Variants in CHM observed in about 807,000 individuals in gnomAD.
CHM encodes rab proteins geranylgeranyltransferase component A 1.
A neutral mutation model predicts 49.0 loss-of-function variants in CHM; 10 were observed. That is an observed-to-expected ratio of 0.20 (90% confidence interval 0.13 to 0.35). The LOEUF (loss-of-function observed/expected upper bound fraction) is 0.35, where lower values mean the gene tolerates loss of function less well. Ranked by LOEUF, CHM falls within the 10% of genes least tolerant of loss-of-function variation. The pLI is 1.00. For missense variants in CHM, 455 were observed against 478.4 expected (o/e 0.95, Z 0.46); for synonymous variants, 184 against 167.5 (o/e 1.10, Z -0.76).
At chrX:85,953,085 A>T (rs1016462453) in intron 8 of CHM, among the ~76,000 whole-genome samples, 1 of 112,709 alleles carries the variant, frequency 8.9e-6, no homozygotes, top group Non-Finnish European at 1.9e-5. Flanking sequence ...GTTGCAGGGT[A>T]TAAAATCAAC....
intron 8 of CHM, among the ~76,000 whole-genome samples, chrX:85,915,595 C>G: frequency 8.9e-6 from 1 of 112,295 alleles, no homozygotes; most frequent in Non-Finnish European, 1.9e-5. Flanking sequence ...ACAACTTAAG[C>G]AAAGTCTCAG....
intron 2 of CHM, among the ~76,000 whole-genome samples, chrX:86,021,125 CG>C (rs1933558492): frequency 5.0e-5 from 1 of 19,993 alleles, no homozygotes; most frequent in Non-Finnish European, 7.5e-5. Context: ...TGTGTATATA[CG>C]TATATATATA....
chrX:86,039,936 T>A lies in CHM; in HGVS notation c.49+7548A>T, dbSNP rs566009061. On this transcript the variant is annotated intron_variant, in intron 1 of 14. Transcript: ENST00000357749. ...CCTTCCTGCCCTTTGCAGCTCCCCT[T>A]CCCACTAAGAGCCATCTCCATCAGC... Among the ~76,000 whole-genome samples the A allele has an allele frequency of 5.3e-4, 59 of 111,717 alleles. No individual in the cohort carries two copies. In the South Asian group the frequency reaches 0.022, roughly 41 times the overall value.
At chrX:85,921,937 A>G (rs761495110) in intron 8 of CHM, among the ~76,000 whole-genome samples, 1 of 112,146 alleles carries the variant, frequency 8.9e-6, no homozygotes, top group African/African-American at 3.2e-5. Context: ...CACACACGGG[A>G]AGGGGATCCC....
At chrX:85,951,911 G>A (rs996938425) in intron 8 of CHM, among the ~76,000 whole-genome samples, 1 of 112,113 alleles carries the variant, frequency 8.9e-6, no homozygotes, top group African/African-American at 3.2e-5. Flanking sequence ...GCATTTGAGG[G>A]AGTGAGAGCA....
At chrX:85,924,531 T>C (rs1927973037) in intron 8 of CHM, among the ~76,000 whole-genome samples, 1 of 111,770 alleles carries the variant, frequency 8.9e-6, no homozygotes, top group Non-Finnish European at 1.9e-5. Flanking sequence ...GGGTGATTAT[T>C]AGAGACAGCA....
chrX:85,963,828 T>C lies in CHM; in HGVS notation c.539A>G (p.Asn180Ser). Residue 180 changes from asparagine (N) to serine (S), a missense_variant, in exon 5 of 15, where the codon AAC (asparagine) becomes AGC (serine). Coordinates refer to ENST00000357749, the MANE Select transcript of CHM (RefSeq NM_000390.4). ...NGAEVTGEKE[N>S]HCDDKTCVPS... ...CACACAAGTTTTATCATCACAATGGTTTTCTTTTTCCCCTGTCACTTCAGC... is the reference window on the plus strand; with the variant it reads ...CACACAAGTTTTATCATCACAATGGCTTTCTTTTTCCCCTGTCACTTCAGC... 1 of 1,211,561 alleles carries C rather than the reference T, an allele frequency of 8.3e-7. No homozygotes were observed. Among genetic ancestry groups the C allele is most frequent in the Non-Finnish European group, 1.1e-6 (1 of 895,485 alleles).
intron 8 of CHM, among the ~76,000 whole-genome samples, chrX:85,940,766 G>A (rs1465564530): frequency 8.9e-6 from 1 of 111,774 alleles, no homozygotes; most frequent in Non-Finnish European, 1.9e-5. Flanking sequence ...TATTGGCTTA[G>A]AGTGGAGCCC....
intron 8 of CHM, among the ~76,000 whole-genome samples, chrX:85,931,246 G>A (rs1009723171): frequency 3.6e-5 from 4 of 110,505 alleles, no homozygotes; most frequent in Non-Finnish European, 7.6e-5. Context: ...TATTTCAGGG[G>A]AAAAAACGGT....
intron 8 of CHM, among the ~76,000 whole-genome samples, chrX:85,951,189 A>G (rs1034336697): frequency 2.7e-5 from 3 of 112,092 alleles, no homozygotes; most frequent in African/African-American, 9.7e-5. Flanking sequence ...ACTTCAGCCT[A>G]ATAATTGCCA....
intron 2 of CHM, among the ~76,000 whole-genome samples, chrX:85,986,358 G>GC (rs1351143317): frequency 2.7e-5 from 3 of 111,599 alleles, no homozygotes; most frequent in Non-Finnish European, 5.6e-5. Flanking sequence ...TCAGTGGGCA[G>GC]CCCAGGAGCA....
intron 11 of CHM, among the ~76,000 whole-genome samples, chrX:85,897,313 G>A (rs898408911): frequency 9.4e-5 from 9 of 96,105 alleles, no homozygotes; most frequent in African/African-American, 3.7e-4. Flanking sequence ...GTGCGTGTGT[G>A]TGTGTGTGTG....
intron 8 of CHM, among the ~76,000 whole-genome samples, chrX:85,939,143 T>G (rs1371013721): frequency 8.9e-6 from 1 of 112,120 alleles, no homozygotes; most frequent in Admixed American, 9.5e-5. Context: ...ATATAGTAGG[T>G]TGTATCATCT....
At chrX:85,912,381 G>A (rs1285525442) in intron 8 of CHM, among the ~76,000 whole-genome samples, 1 of 111,134 alleles carries the variant, frequency 9.0e-6, no homozygotes, top group South Asian at 3.8e-4. Flanking sequence ...AACACATGAG[G>A]AAACACATCT....
intron 8 of CHM, among the ~76,000 whole-genome samples, chrX:85,930,659 C>T (rs1928374583): frequency 9.0e-6 from 1 of 111,450 alleles, no homozygotes; most frequent in African/African-American, 3.3e-5. Flanking sequence ...CTCTCTTATT[C>T]CCAGTCCTCA....
At chrX:86,027,040 C>T (rs917259779) in intron 2 of CHM, 2 of 116,204 alleles carry the variant, frequency 1.7e-5, no homozygotes, top group African/African-American at 6.5e-5. Context: ...GTTAAGACTT[C>T]CTAAGTTTAA....
At chrX:85,968,350 CTT>C (rs1930687258) in intron 4 of CHM, among the ~76,000 whole-genome samples, 1 of 112,311 alleles carries the variant, frequency 8.9e-6, no homozygotes, top group African/African-American at 3.2e-5. Flanking sequence ...ATGTCAACCT[CTT>C]GTCATGTTTA....
intron 8 of CHM, among the ~76,000 whole-genome samples, chrX:85,954,885 C>T (rs1929929482): frequency 1.1e-5 from 1 of 94,658 alleles, no homozygotes; most frequent in South Asian, 4.5e-4. Context: ...GAGCAAGACT[C>T]CATCTCCCAA....
At chrX:85,905,404 A>C (rs1032481609) in intron 9 of CHM, among the ~76,000 whole-genome samples, 1 of 111,964 alleles carries the variant, frequency 8.9e-6, no homozygotes, top group African/African-American at 3.2e-5. Flanking sequence ...TGTGCCAAGC[A>C]CTGTTCTAAG....
Sources: gnomAD v4.1 joint callset for allele counts (sites outside exome capture counted in the v4.1 genomes callset) on GRCh38, gnomAD v4.1.1 for gene constraint, MANE v1.5 for transcripts, NCBI Gene and HGNC (gene_info 2026-07-23, HGNC 2026-07-21) for gene names.